Variants in IPO8 observed in about 807,000 individuals in gnomAD.
IPO8 encodes importin-8.
IPO8 carries 65 observed loss-of-function variants against 141.2 expected under a neutral mutation model. That is an observed-to-expected ratio of 0.46 (90% CI 0.38 to 0.57). The LOEUF (loss-of-function observed/expected upper bound fraction) is 0.57. IPO8 is among the 20% of genes least tolerant of loss of function. The pLI, the probability that IPO8 is intolerant of heterozygous loss-of-function variation, is 0.00. For missense variants in IPO8, 980 were observed against 1,246.8 expected (o/e 0.79, Z 3.22); for synonymous variants, 411 against 420.3 (o/e 0.98, Z 0.27).
rs758092236 is a variant in IPO8, at chr12:30,690,522, T to C, written c.140A>G (p.His47Arg). Residue 47 changes from histidine to arginine, a missense_variant, in exon 2 of 25, where the codon CAT (histidine) becomes CGT (arginine). Coordinates refer to ENST00000256079, the MANE Select transcript of IPO8 (RefSeq NM_006390.4). ...TGCCTGTCGTACTGGGAATTCCACA[T>C]GGTCAGAGACTATAATCCGAAGTAA... ...PSLLRIIVSD[H>R]VEFPVRQAAA... 2 of 1,600,072 alleles carry C rather than the reference T, an allele frequency of 1.2e-6. No homozygotes were observed. The highest frequency in any genetic ancestry group is 1.1e-5 in the South Asian group (1 of 88,454).
At chr12:30,673,212 T>C (rs1250428025) in intron 8 of IPO8, among the ~76,000 whole-genome samples, 3 of 152,116 alleles carry the variant, frequency 2.0e-5, no homozygotes, top group Non-Finnish European at 4.4e-5. Context: ...TGAGCCGAGA[T>C]TGTGCCACTG....
Position 30,661,143 on chromosome 12 carries a change from C to A in IPO8, c.1879G>T (p.Glu627Ter). Residue 627 changes from glutamate (E) to a stop codon, truncating the protein, a stop_gained and splice_region_variant, in exon 16 of 25, where the codon GAG becomes TAG. Coordinates refer to ENST00000256079, the MANE Select transcript of IPO8 (RefSeq NM_006390.4). LOFTEE classifies it high-confidence loss of function. ...CATAAACCACAAAGAAATCTCACCTCTTTATGATCTTCTACAACTGTTAAG... is the reference window on the plus strand; with the variant it reads ...CATAAACCACAAAGAAATCTCACCTATTTATGATCTTCTACAACTGTTAAG... The part of the protein sequence containing the change: ...TILTVVEDHK[E>*]ITQQLENICL... 1 of 1,529,174 alleles carries A rather than the reference C, an allele frequency of 6.5e-7. No homozygotes were observed. 94.7% of individuals were successfully genotyped at this position (1,529,174 alleles called of 1,614,324 possible).
At chr12:30,638,077 G>C (rs2052526787) in intron 21 of IPO8, among the ~76,000 whole-genome samples, 1 of 152,020 alleles carries the variant, frequency 6.6e-6, no homozygotes, top group Non-Finnish European at 1.5e-5. Context: ...CTAAATACAT[G>C]CCACACGGAT....
intron 2 of IPO8, among the ~76,000 whole-genome samples, chr12:30,686,127 G>A (rs966340219): frequency 6.6e-6 from 1 of 152,082 alleles, no homozygotes; most frequent in African/African-American, 2.4e-5. Flanking sequence ...TATAAAGGGG[G>A]ATGTGTGTTA....
intron 2 of IPO8, among the ~76,000 whole-genome samples, chr12:30,689,231 A>G (rs1376421256): frequency 2.0e-5 from 3 of 152,162 alleles, no homozygotes; most frequent in Admixed American, 6.5e-5. Flanking sequence ...TAATGTTTCC[A>G]TGTCATTAAA....
intron 5 of IPO8, chr12:30,677,216 G>A (rs1049422401): frequency 4.0e-5 from 23 of 568,868 alleles, no homozygotes; most frequent in East Asian, 1.0e-4. Context: ...CAAATGTTTC[G>A]GTCAGTGACA....
At chr12:30,681,962 A>T in intron 3 of IPO8, 145 bp from the exon 4 acceptor site, 1 of 581,380 alleles carries the variant, frequency 1.7e-6, no homozygotes, top group Non-Finnish European at 2.7e-6. Context: ...AAAAAGACAT[A>T]TCTAAAAAAC....
At position 30,660,881 on chromosome 12, in the gene IPO8, A is replaced by C. The variant is rs116073673; in HGVS notation, c.1881+260T>G. Among the ~76,000 whole-genome samples the C allele has an allele frequency of 0.054, 8,179 of 151,608 alleles. 343 individuals carry two copies. The highest frequency in any genetic ancestry group is 0.11 in the African/African-American group (4,737 of 41,304). ...GCCTGGCACATAGCAGATATGATTA[A>C]CTGAACTCAAGTTAATATAAAGGGA... On this transcript the variant is annotated intron_variant, in intron 16 of 24. Transcript: ENST00000256079.
intron 6 of IPO8, among the ~76,000 whole-genome samples, chr12:30,675,864 G>A (rs1431365418): frequency 1.3e-5 from 2 of 148,860 alleles, no homozygotes; most frequent in African/African-American, 4.9e-5. Flanking sequence ...AAAAGGAAAA[G>A]AAAAGAAAAA....
rs918902928 is a variant in IPO8 at position 30,629,478 on chromosome 12, T to C, written c.*1382A>G. 1.3e-5 allele frequency: 2 copies of C among 152,140 alleles called. No individual in the cohort carries two copies. Among genetic ancestry groups the C allele is most frequent in the African/African-American group, 4.8e-5 (2 of 41,442 alleles). 9.4% of individuals were successfully genotyped at this position (152,140 alleles called of 1,614,324 possible). A position where few individuals can be genotyped will look rare whatever the true frequency, so the allele number is the denominator to read the frequency against. On this transcript the variant is annotated 3_prime_UTR_variant, in exon 25 of 25. Transcript: ENST00000256079. ...AAGAGTTAATATGCATGAGGGATGG[T>C]AATATAGGAAGCACCTGAAAAAAAT...
At chr12:30,690,634 A>C (rs1021887743) in intron 1 of IPO8, 57 bp from the exon 2 acceptor site, 13 of 896,446 alleles carry the variant, frequency 1.5e-5, no homozygotes, top group African/African-American at 5.3e-5. Context: ...GTAGCTTATA[A>C]GTTAGCACCG....
chr12:30,685,900 C>CAAAAA (rs397849869), intron 2 of IPO8, among the ~76,000 whole-genome samples: 2 of 88,016 alleles, frequency 2.3e-5, no homozygotes, highest in Non-Finnish European at 4.8e-5. Context: ...AAGACTCTGT[C>CAAAAA]AAAAAAAAAA....
At chr12:30,675,273 AC>A (rs2136164369) in intron 6 of IPO8, among the ~76,000 whole-genome samples, 1 of 152,344 alleles carries the variant, frequency 6.6e-6, no homozygotes, top group East Asian at 1.9e-4. Context: ...AAAATGAAAC[AC>A]ATCTTTTCCC....
At chr12:30,663,880 A>G (rs1052845769) in intron 13 of IPO8, among the ~76,000 whole-genome samples, 2 of 152,232 alleles carry the variant, frequency 1.3e-5, no homozygotes, top group African/African-American at 4.8e-5. Context: ...TTCATAGGAA[A>G]GAGAAAAAGA....
chr12:30,645,940 A>T (rs1342012300), intron 20 of IPO8, among the ~76,000 whole-genome samples: 1 of 152,188 alleles, frequency 6.6e-6, no homozygotes, highest in Non-Finnish European at 1.5e-5. Context: ...CCAAACATTT[A>T]AAAAAGAAGA....
intron 13 of IPO8, among the ~76,000 whole-genome samples, chr12:30,664,594 T>G (rs150359729): frequency 2.3e-3 from 357 of 152,366 alleles, no homozygotes; most frequent in Non-Finnish European, 2.6e-3. Flanking sequence ...TGGAATTTCA[T>G]GTCATTTTAT....
At chr12:30,662,068 C>A (rs2052895328) in intron 15 of IPO8, among the ~76,000 whole-genome samples, 1 of 152,140 alleles carries the variant, frequency 6.6e-6, no homozygotes, top group Non-Finnish European at 1.5e-5. Context: ...GGCCACAAAC[C>A]TATACAGTTT....
intron 24 of IPO8, 182 bp downstream of exon 24, chr12:30,631,713 C>A: frequency 2.0e-6 from 1 of 512,582 alleles, no homozygotes; most frequent in East Asian, 3.3e-5. Flanking sequence ...CAGGTTTTTG[C>A]AAAGCTAAGA....
intron 20 of IPO8, among the ~76,000 whole-genome samples, chr12:30,640,495 C>A (rs1035442656): frequency 6.6e-6 from 1 of 152,074 alleles, no homozygotes; most frequent in Non-Finnish European, 1.5e-5. Context: ...TTTAGGATAA[C>A]ATATTAAATC....
Sources: allele counts gnomAD v4.1 joint callset (sites outside exome capture counted in the v4.1 genomes callset), GRCh38; gene constraint gnomAD v4.1.1; transcripts MANE v1.5; gene names NCBI Gene and HGNC (gene_info 2026-07-23, HGNC 2026-07-21).